ICA1: variants seen among roughly 807,000 people sequenced by gnomAD.
ICA1 encodes islet cell autoantigen 1.
ICA1 carries 40 observed loss-of-function variants against 71.0 expected under a neutral mutation model. That is an observed-to-expected ratio of 0.56 (90% CI 0.44 to 0.73). The LOEUF (loss-of-function observed/expected upper bound fraction) is 0.73. Ranked by LOEUF, ICA1 falls within the 30% of genes least tolerant of loss-of-function variation. The pLI is 0.00. For synonymous variants in ICA1, 207 were observed against 209.5 expected, an observed-to-expected ratio of 0.99 and a Z score of 0.10; for missense variants, 578 against 576.5, an observed-to-expected ratio of 1.00 and a Z score of -0.03.
Position 8,123,861 on chromosome 7 carries a change from G to A in ICA1, c.1330+4012C>T, listed in dbSNP as rs1787982646. 1.3e-5 allele frequency among the ~76,000 whole-genome samples: 2 copies of A among 152,200 alleles called. No homozygotes were observed. Among genetic ancestry groups the A allele is most frequent in the South Asian group, 2.1e-4 (1 of 4,834 alleles). On this transcript the variant is annotated intron_variant, in intron 13 of 13. Coordinates refer to ENST00000402384, the MANE Select transcript of ICA1 (RefSeq NM_001136020.3). The surrounding 1 kb of genome is among the most constrained non-coding windows in gnomAD (Gnocchi z 4.1). ...GTGAAAGGCATGGATTCTGGAGTCC[G>A]GCTGCCTGGGCTCAAAATCCGGCCT... is the stretch of plus-strand genomic sequence containing the variant.
chr7:8,155,453 T>C (rs970215170), intron 8 of ICA1, among the ~76,000 whole-genome samples: 11 of 152,216 alleles, frequency 7.2e-5, no homozygotes, highest in African/African-American at 2.2e-4. Flanking sequence ...AGGCCAGGGA[T>C]ACACATGTGG....
At chr7:8,221,184 A>G (rs1796941881) in intron 5 of ICA1, 91 bp downstream of exon 5, 3 of 1,537,022 alleles carry the variant, frequency 2.0e-6, no homozygotes, top group Non-Finnish European at 2.7e-6. Flanking sequence ...AAATCCTTCT[A>G]AAGAACACTG....
intron 1 of ICA1, among the ~76,000 whole-genome samples, chr7:8,246,839 T>C (rs1294591659): frequency 6.6e-6 from 1 of 152,170 alleles, no homozygotes; most frequent in African/African-American, 2.4e-5. Flanking sequence ...CTCTGCCTCC[T>C]GGGTTCAAGC....
At chr7:8,239,414 T>C (rs1021877757) in intron 1 of ICA1, among the ~76,000 whole-genome samples, 3 of 152,172 alleles carry the variant, frequency 2.0e-5, no homozygotes, top group Admixed American at 6.5e-5. Context: ...CCAATAGAAA[T>C]AGACTATGAG....
At chr7:8,174,792 C>G (rs990440877) in intron 6 of ICA1, among the ~76,000 whole-genome samples, 6 of 80,880 alleles carry the variant, frequency 7.4e-5, no homozygotes, top group Non-Finnish European at 1.9e-4. Context: ...GAGAGAGAGA[C>G]AAATGAGACA....
At chr7:8,146,868 ACACACACACACACG>A in intron 8 of ICA1, among the ~76,000 whole-genome samples, 1 of 131,548 alleles carries the variant, frequency 7.6e-6, no homozygotes, top group African/African-American at 2.6e-5. Context: ...ACACACACAC[ACACACACACACACG>A]CACACACACA....
At chr7:8,206,784 T>C (rs982582765) in intron 6 of ICA1, among the ~76,000 whole-genome samples, 3 of 149,768 alleles carry the variant, frequency 2.0e-5, no homozygotes, top group African/African-American at 7.5e-5. Context: ...AAATGTAACA[T>C]ATTTTGCCCC....
At chr7:8,216,112 TCA>T (rs1180180307) in intron 6 of ICA1, among the ~76,000 whole-genome samples, 4 of 152,286 alleles carry the variant, frequency 2.6e-5, no homozygotes, top group African/African-American at 9.6e-5. Context: ...TTCCAAAACA[TCA>T]TGAGGTCAGC....
intron 8 of ICA1, among the ~76,000 whole-genome samples, chr7:8,146,891 C>T (rs1453993044): frequency 1.3e-5 from 2 of 150,604 alleles, no homozygotes; most frequent in Non-Finnish European, 3.0e-5. Flanking sequence ...CGCACACACA[C>T]ACACACACAC....
At chr7:8,218,181 C>A in intron 6 of ICA1, 124 bp downstream of exon 6, 1 of 774,790 alleles carries the variant, frequency 1.3e-6, no homozygotes, top group East Asian at 2.5e-5. Context: ...TAAAAAGACA[C>A]CAGCGATGAT....
At chr7:8,247,379 G>A (rs1005569555) in intron 1 of ICA1, among the ~76,000 whole-genome samples, 3 of 152,074 alleles carry the variant, frequency 2.0e-5, no homozygotes, top group African/African-American at 4.8e-5. Context: ...AGGATCAATC[G>A]AGCCCAGGAG....
intron 6 of ICA1, among the ~76,000 whole-genome samples, chr7:8,162,353 C>A (rs1237359980): frequency 2.0e-5 from 3 of 152,230 alleles, no homozygotes; most frequent in Non-Finnish European, 4.4e-5. Context: ...TAATGCACTG[C>A]TGAGTTTCCA....
chr7:8,155,048 T>C (rs1422557814), intron 8 of ICA1, among the ~76,000 whole-genome samples: 1 of 152,230 alleles, frequency 6.6e-6, no homozygotes, highest in Non-Finnish European at 1.5e-5. Flanking sequence ...GAGATTCTAA[T>C]GTGATATGTC....
chr7:8,147,090 G>A (rs1016044807), intron 8 of ICA1, among the ~76,000 whole-genome samples: 1 of 151,826 alleles, frequency 6.6e-6, no homozygotes, highest in Non-Finnish European at 1.5e-5. Flanking sequence ...ATCAATCAAC[G>A]CTAGGCAGGG....
intron 1 of ICA1, among the ~76,000 whole-genome samples, chr7:8,245,891 C>T (rs1174972128): frequency 1.3e-5 from 2 of 152,146 alleles, no homozygotes; most frequent in Admixed American, 6.5e-5. Flanking sequence ...TCAGTAGAGC[C>T]TTGACATTTG....
At chr7:8,171,835 G>A (rs1172134911) in intron 6 of ICA1, among the ~76,000 whole-genome samples, 8 of 151,766 alleles carry the variant, frequency 5.3e-5, no homozygotes, top group Non-Finnish European at 1.2e-4. Flanking sequence ...AATATATCCT[G>A]ATTTCCCTCG....
chr7:8,181,205 ACT>A (rs1242393373), intron 6 of ICA1, among the ~76,000 whole-genome samples: 2 of 152,150 alleles, frequency 1.3e-5, no homozygotes, highest in African/African-American at 4.8e-5. Context: ...TAGATATCCA[ACT>A]GATCCAGCGT....
chr7:8,147,084 A>G (rs77808984), intron 8 of ICA1, among the ~76,000 whole-genome samples: 5,698 of 151,820 alleles, frequency 0.038, 138 homozygotes, highest in Middle Eastern at 0.065. Context: ...CTTTTTATCA[A>G]TCAACGCTAG....
In ICA1 at chr7:8,143,781, C is replaced by G. The variant is rs1364684067; in HGVS notation, c.902+94G>C. On this transcript the variant is annotated intron_variant, in intron 9 of 13. Transcript: ENST00000402384. ...TGAGAAGTGAGGAAGTAAGACAAGT[C>G]TGCGTCTGAGGCCCAGCCAGGTTCG... 51 of 758,884 alleles carry G rather than the reference C, an allele frequency of 6.7e-5. No individual in the cohort carries two copies. In the Admixed American group the frequency reaches 1.1e-3, roughly 17 times the overall value. 47.0% of individuals were successfully genotyped at this position (758,884 alleles called of 1,614,324 possible).
Sources: gnomAD v4.1 joint callset for allele counts (sites outside exome capture counted in the v4.1 genomes callset) on GRCh38, gnomAD v4.1.1 for gene constraint, Gnocchi (gnomAD v3.1) non-coding constraint, MANE v1.5 for transcripts, NCBI Gene and HGNC (gene_info 2026-07-23, HGNC 2026-07-21) for gene names.